PCDH15: variants seen among roughly 807,000 people sequenced by gnomAD.
The protein encoded by PCDH15 is protocadherin-15.
A neutral mutation model predicts 178.5 loss-of-function variants in PCDH15; 129 were observed. The ratio of observed to expected loss-of-function variants is 0.72; its 90% confidence interval spans 0.63 to 0.84. The LOEUF is 0.84. Ranked by LOEUF, PCDH15 falls within the 40% of genes least tolerant of loss-of-function variation. The probability of loss-of-function intolerance (pLI) is 0.00; values close to 1 mark genes in which losing one functional copy is unlikely to be tolerated. For synonymous variants in PCDH15, 800 were observed against 732.0 expected (o/e 1.09, Z -1.50); for missense variants, 2,230 against 2,099.9 (o/e 1.06, Z -1.21).
At chr10:55,163,239 A>T (rs1388895994) in intron 2 of PCDH15, among the ~76,000 whole-genome samples, 1 of 152,118 alleles carries the variant, frequency 6.6e-6, no homozygotes. Context: ...AACTCTCTCT[A>T]TTGTAACTCC....
intron 3 of PCDH15, among the ~76,000 whole-genome samples, chr10:54,435,247 T>A (rs1333846432): frequency 6.6e-6 from 1 of 152,196 alleles, no homozygotes. Context: ...TCTTTATTAA[T>A]CACAAAGATG....
At chr10:54,586,890 CA>C (rs2091507498) in intron 2 of PCDH15, among the ~76,000 whole-genome samples, 1 of 151,950 alleles carries the variant, frequency 6.6e-6, no homozygotes, top group Non-Finnish European at 1.5e-5. Context: ...AAATGAATTC[CA>C]AAAGTTTGAG....
At chr10:54,982,068 C>A (rs1169583837) in intron 2 of PCDH15, among the ~76,000 whole-genome samples, 2 of 152,050 alleles carry the variant, frequency 1.3e-5, no homozygotes, top group East Asian at 3.9e-4. Flanking sequence ...CTGCACCTGG[C>A]CTGCCTAGAA....
chr10:54,882,297 T>A (rs1421440502), intron 3 of PCDH15, among the ~76,000 whole-genome samples: 1 of 152,098 alleles, frequency 6.6e-6, no homozygotes, highest in South Asian at 2.1e-4. Flanking sequence ...CCTGTTAGAG[T>A]TTCCCATTGT....
At chr10:55,561,175 A>G (rs1842190883) in intron 2 of PCDH15, among the ~76,000 whole-genome samples, 1 of 151,880 alleles carries the variant, frequency 6.6e-6, no homozygotes, top group Non-Finnish European at 1.5e-5. Context: ...TTCAGGTAAA[A>G]GTACATGTCT....
chr10:55,546,462 A>C (rs888289564), intron 2 of PCDH15, among the ~76,000 whole-genome samples: 1 of 152,156 alleles, frequency 6.6e-6, no homozygotes, highest in African/African-American at 2.4e-5. Flanking sequence ...TTTATTATAA[A>C]TTATATATTA....
chr10:55,308,922 T>C (rs930066593), intron 1 of PCDH15, among the ~76,000 whole-genome samples: 2 of 152,186 alleles, frequency 1.3e-5, no homozygotes, highest in South Asian at 2.1e-4. Flanking sequence ...AGGAAAGCAA[T>C]ATATTTACTC....
intron 18 of PCDH15, among the ~76,000 whole-genome samples, chr10:54,062,246 A>AAC: frequency 7.4e-6 from 1 of 135,086 alleles, no homozygotes; most frequent in African/African-American, 3.0e-5. Flanking sequence ...AAAAAAAAAA[A>AAC]AAAAAACAAA....
At chr10:55,550,066 T>A (rs1841973643) in intron 2 of PCDH15, among the ~76,000 whole-genome samples, 1 of 152,140 alleles carries the variant, frequency 6.6e-6, no homozygotes, top group Non-Finnish European at 1.5e-5. Context: ...AATTCATATC[T>A]ATTTTATTTT....
At chr10:54,313,997 G>A (rs1468965853) in intron 8 of PCDH15, among the ~76,000 whole-genome samples, 4 of 151,932 alleles carry the variant, frequency 2.6e-5, no homozygotes, top group African/African-American at 7.2e-5. Context: ...GGATTATTGC[G>A]GTTTCAATGT....
intron 1 of PCDH15, among the ~76,000 whole-genome samples, chr10:54,764,199 T>C (rs1300880938): frequency 6.6e-6 from 1 of 152,096 alleles, no homozygotes; most frequent in East Asian, 1.9e-4. Context: ...CAAAAATTGG[T>C]TCACTGAATG....
intron 2 of PCDH15, among the ~76,000 whole-genome samples, chr10:55,432,676 G>A (rs1240335278): frequency 6.6e-6 from 1 of 152,104 alleles, no homozygotes; most frequent in East Asian, 1.9e-4. Context: ...TGGCAGAAAT[G>A]TAAATTAGTT....
chr10:53,808,767 C>A (rs139441645), intron 37 of PCDH15: 2 of 1,612,446 alleles, frequency 1.2e-6, no homozygotes, highest in African/African-American at 1.3e-5. Flanking sequence ...TTCTGTCATA[C>A]GCTGGTACCT....
At chr10:54,866,217 T>C (rs1953939331) in intron 3 of PCDH15, among the ~76,000 whole-genome samples, 2 of 152,202 alleles carry the variant, frequency 1.3e-5, no homozygotes, top group African/African-American at 2.4e-5. Context: ...AGGAATGTTA[T>C]TATTGAAGGT....
At chr10:55,302,920 G>A (rs946333534) in intron 1 of PCDH15, among the ~76,000 whole-genome samples, 4 of 152,048 alleles carry the variant, frequency 2.6e-5, no homozygotes, top group Admixed American at 1.3e-4. Context: ...AACTCTTGCC[G>A]AGGAAAAGGA....
chr10:53,903,346 T>G lies in PCDH15; in HGVS notation c.3398A>C (p.Glu1133Ala). ...SKSNTAKVYI[E>A]IQDENNHPPV... Reference sequence around the variant, plus strand: ...GGGATGATTATTTTCATCCTGAATCTCAATGTATACTTTAGCTGTATTGCC... The same window carrying G: ...GGGATGATTATTTTCATCCTGAATCGCAATGTATACTTTAGCTGTATTGCC... The change falls in exon 26 of 38, where the codon GAG becomes GCG. Residue 1133 changes from glutamate to alanine, a missense_variant. By Grantham distance (107) the Glu-to-Ala change is moderately radical (BLOSUM62 -1). Transcript: ENST00000644397. 6.2e-7 allele frequency: 1 copy of G among 1,613,020 alleles called. No homozygotes were observed. Among genetic ancestry groups the G allele is most frequent in the Non-Finnish European group, 8.5e-7 (1 of 1,179,428 alleles).
chr10:55,168,615 A>G lies in PCDH15; in HGVS notation c.-155-1964T>C, dbSNP rs1839255033. Among the ~76,000 whole-genome samples the G allele has an allele frequency of 2.6e-5, 4 of 152,318 alleles. 1 individual carries two copies. The South Asian group carries it at 8.3e-4, about 32-fold the overall frequency. The stretch of plus-strand genomic sequence containing the variant: ...GTGCTTTGTGTCGATTTAGTAATAC[A>G]GTGGGTGGCTTATGATTTCTGAGTC... On this transcript the variant is annotated intron_variant, in intron 1 of 5. Transcript: ENST00000458638.
chr10:55,136,048 T>G (rs1472033640), intron 2 of PCDH15, among the ~76,000 whole-genome samples: 1 of 152,174 alleles, frequency 6.6e-6, no homozygotes, highest in African/African-American at 2.4e-5. Context: ...CTAAATGAAT[T>G]TCATATCTGG....
chr10:55,590,794 C>A (rs1216826074), intron 2 of PCDH15, among the ~76,000 whole-genome samples: 5 of 152,184 alleles, frequency 3.3e-5, no homozygotes, highest in Non-Finnish European at 5.9e-5. Context: ...CCAATTATTT[C>A]TTTTTTCTTT....
Sources: gnomAD v4.1 joint callset for allele counts (sites outside exome capture counted in the v4.1 genomes callset) on GRCh38, gnomAD v4.1.1 for gene constraint, MANE v1.5 for transcripts, NCBI Gene and HGNC (gene_info 2026-07-23, HGNC 2026-07-21) for gene names.